Variants in RIMS4 observed in about 807,000 individuals in gnomAD.
RIMS4 encodes the protein regulating synaptic membrane exocytosis 4, also known as regulating synaptic membrane exocytosis protein 4.
Under a neutral mutation model 29.0 loss-of-function variants are expected in RIMS4, and 9 were observed. The ratio of observed to expected loss-of-function variants is 0.31; its 90% CI spans 0.19 to 0.54. The LOEUF is 0.54. RIMS4 is among the 20% of genes least tolerant of loss of function. RIMS4 has a pLI of 0.94. For missense variants in RIMS4, 193 were observed against 365.7 expected (o/e 0.53, Z 3.85); for synonymous variants, 130 against 152.9 (o/e 0.85, Z 1.10).
At chr20:44,778,378 T>TTGG (rs1289213563) in intron 1 of RIMS4, among the ~76,000 whole-genome samples, 1 of 152,162 alleles carries the variant, frequency 6.6e-6, no homozygotes, top group African/African-American at 2.4e-5. Flanking sequence ...AAAGGCCATG[T>TTGG]TGGTATTAGA....
chr20:44,776,600 T>C (rs547579414), intron 1 of RIMS4, among the ~76,000 whole-genome samples: 53 of 152,238 alleles, frequency 3.5e-4, no homozygotes, highest in African/African-American at 1.2e-3. Context: ...CATCATATAA[T>C]AGGGATAAAA....
chr20:44,782,659 C>T (rs2066189743), intron 1 of RIMS4, among the ~76,000 whole-genome samples: 1 of 152,192 alleles, frequency 6.6e-6, no homozygotes, highest in Non-Finnish European at 1.5e-5. Context: ...CAGGCCCTAT[C>T]TGGGACAAGC....
chr20:44,763,921 G>A (rs7269604), intron 2 of RIMS4, among the ~76,000 whole-genome samples: 4,374 of 152,134 alleles, frequency 0.029, 212 homozygotes, highest in African/African-American at 0.099. Flanking sequence ...CGGGTTCCCT[G>A]TCCATCCATT....
At chr20:44,807,894 G>C (rs1219587906) in intron 1 of RIMS4, among the ~76,000 whole-genome samples, 1 of 151,748 alleles carries the variant, frequency 6.6e-6, no homozygotes, top group Non-Finnish European at 1.5e-5. Context: ...CCAAACTCTT[G>C]GTCGCCAGCC....
chr20:44,758,449 C>G (rs2066070022), intron 2 of RIMS4, among the ~76,000 whole-genome samples: 1 of 152,222 alleles, frequency 6.6e-6, no homozygotes, highest in Non-Finnish European at 1.5e-5. Flanking sequence ...GAATCAGAAT[C>G]TGAATTTTAA....
At chr20:44,803,436 G>GC (rs1427192751) in intron 1 of RIMS4, among the ~76,000 whole-genome samples, 2 of 152,176 alleles carry the variant, frequency 1.3e-5, no homozygotes, top group African/African-American at 4.8e-5. Context: ...CCTGGAAGCA[G>GC]CCCAGCTGGT....
rs1468328991 is a variant in RIMS4 at position 44,810,251 on chromosome 20, G to T, written c.21C>A (p.Arg7=). Residue 7 remains arginine (R), a synonymous_variant, in exon 1 of 6, where the codon CGC becomes CGA. Coordinates refer to ENST00000372851, the MANE Select transcript of RIMS4 (RefSeq NM_182970.4). ...CCTCGAAGGAGGCGGACAGACTGAG[G>T]CGGCTCTGCGAGCGCTCCATGCCCG... The part of the protein sequence containing the change: MERSQS[R]LSLSASFEAL... 1.3e-6 allele frequency: 2 copies of T among 1,519,792 alleles called. No individual in the cohort carries two copies. Among genetic ancestry groups the T allele is most frequent in the African/African-American group, 2.8e-5 (2 of 71,932 alleles). The allele number at this position is 1,519,792 out of a possible 1,614,324, so 94.1% of individuals were successfully genotyped here.
At chr20:44,808,816 GC>G (rs959719594) in intron 1 of RIMS4, among the ~76,000 whole-genome samples, 2 of 152,138 alleles carry the variant, frequency 1.3e-5, no homozygotes, top group Admixed American at 1.3e-4. Context: ...AACCTTGGTG[GC>G]CAGGTTGATC....
chr20:44,771,758 G>A (rs2066138638), intron 1 of RIMS4, among the ~76,000 whole-genome samples: 1 of 152,068 alleles, frequency 6.6e-6, no homozygotes, highest in Non-Finnish European at 1.5e-5. Flanking sequence ...CAAGTGCTTT[G>A]CATGGATTTT....
chr20:44,810,117 C>T (rs1362816835), intron 1 of RIMS4, 58 bp downstream of exon 1: 1 of 1,084,988 alleles, frequency 9.2e-7, no homozygotes, highest in East Asian at 3.2e-5. Context: ...GGGGAGGGGG[C>T]TACCGGACCT....
chr20:44,804,426 T>C (rs2066289662), intron 1 of RIMS4, among the ~76,000 whole-genome samples: 1 of 152,170 alleles, frequency 6.6e-6, no homozygotes, highest in Admixed American at 6.5e-5. Context: ...GAATGCAGAA[T>C]GGGAGAAGGT....
chr20:44,806,745 A>G (rs1555303), intron 1 of RIMS4, among the ~76,000 whole-genome samples: 35,550 of 152,156 alleles, frequency 0.23, 4,578 homozygotes, highest in Non-Finnish European at 0.3. Context: ...GATTAAAAGC[A>G]TAGATGCTTA....
At chr20:44,806,291 T>A (rs911739200) in intron 1 of RIMS4, among the ~76,000 whole-genome samples, 13 of 152,262 alleles carry the variant, frequency 8.5e-5, no homozygotes, top group African/African-American at 3.1e-4. Flanking sequence ...AACAACCCCC[T>A]TTGGCATCTG....
At chr20:44,768,008 C>T (rs768811757) in intron 2 of RIMS4, among the ~76,000 whole-genome samples, 10 of 152,188 alleles carry the variant, frequency 6.6e-5, no homozygotes, top group Admixed American at 2.0e-4. Flanking sequence ...GATCACACTT[C>T]GAATAGCAAG....
chr20:44,764,681 G>A (rs2066106304), intron 2 of RIMS4, among the ~76,000 whole-genome samples: 2 of 152,302 alleles, frequency 1.3e-5, no homozygotes, highest in Middle Eastern at 3.4e-3. Context: ...TGTGTTTTGT[G>A]TATTCTTATG....
chr20:44,757,324 C>T (rs1405640886), intron 4 of RIMS4, among the ~76,000 whole-genome samples: 1 of 151,980 alleles, frequency 6.6e-6, no homozygotes, highest in Non-Finnish European at 1.5e-5. Flanking sequence ...TGTGCCCACC[C>T]CCTCCCTGGC....
At chr20:44,762,701 G>A (rs1161879740) in intron 2 of RIMS4, among the ~76,000 whole-genome samples, 2 of 152,172 alleles carry the variant, frequency 1.3e-5, no homozygotes, top group Non-Finnish European at 2.9e-5. Context: ...TGACGCCCCA[G>A]AAACCCTGAA....
intron 1 of RIMS4, among the ~76,000 whole-genome samples, chr20:44,773,232 G>T (rs2066144624): frequency 6.6e-6 from 1 of 152,092 alleles, no homozygotes; most frequent in Non-Finnish European, 1.5e-5. Flanking sequence ...TGAACACGTG[G>T]GAGAGCGTGT....
intron 1 of RIMS4, among the ~76,000 whole-genome samples, chr20:44,771,967 CT>C (rs2066139522): frequency 3.3e-5 from 5 of 152,116 alleles, no homozygotes; most frequent in Admixed American, 3.3e-4. Context: ...CAAATAGCCC[CT>C]AGGCAGCAAA....
Sources: gnomAD v4.1 joint callset for allele counts (sites outside exome capture counted in the v4.1 genomes callset) on GRCh38, gnomAD v4.1.1 for gene constraint, MANE v1.5 for transcripts, NCBI Gene and HGNC (gene_info 2026-07-23, HGNC 2026-07-21) for gene names.